The following CADM2 variants were observed in gnomAD, a reference collection of about 807,000 sequenced individuals.
CADM2 encodes cell adhesion molecule 2.
Under a neutral mutation model 49.8 loss-of-function variants are expected in CADM2, and 12 were observed. The observed-to-expected ratio is 0.24, with a 90% CI of 0.15 to 0.39. The LOEUF (loss-of-function observed/expected upper bound fraction) is 0.39. CADM2 is among the 10% of genes least tolerant of loss of function. The pLI is 1.00. For missense variants in CADM2, 378 were observed against 492.3 expected (o/e 0.77, Z 2.20); for synonymous variants, 214 against 175.4 (o/e 1.22, Z -1.74).
At chr3:85,682,514 C>T (rs1253666370) in intron 1 of CADM2, among the ~76,000 whole-genome samples, 1 of 151,964 alleles carries the variant, frequency 6.6e-6, no homozygotes, top group African/African-American at 2.4e-5. Context: ...TTCAGTGGTA[C>T]GTGAAGGTGT....
intron 1 of CADM2, among the ~76,000 whole-genome samples, chr3:85,183,173 G>T (rs1194943623): frequency 1.3e-5 from 2 of 152,058 alleles, no homozygotes; most frequent in African/African-American, 4.8e-5. Context: ...TAGGATTAAG[G>T]CATTAGAGGC....
chr3:85,290,148 A>G lies in CADM2; in HGVS notation c.61+330480A>G, dbSNP rs566404034. Reference sequence around the variant, plus strand: ...ACTTGGGAAGCGCAAGGGGTCAGGGAGTTCCCTTTCCGAGTCAAAGAAAGG... The same window carrying G: ...ACTTGGGAAGCGCAAGGGGTCAGGGGGTTCCCTTTCCGAGTCAAAGAAAGG... On this transcript the variant is annotated intron_variant, in intron 1 of 9. Coordinates refer to ENST00000383699, the MANE Select transcript of CADM2 (RefSeq NM_001167675.2). Among the ~76,000 whole-genome samples the G allele has an allele frequency of 1.8e-3, 272 of 152,314 alleles. 1 individual carries two copies. Among genetic ancestry groups the G allele is most frequent in the African/African-American group, 6.3e-3 (263 of 41,578 alleles).
chr3:85,413,968 G>T (rs2035796422), intron 1 of CADM2, among the ~76,000 whole-genome samples: 1 of 152,034 alleles, frequency 6.6e-6, no homozygotes, highest in Non-Finnish European at 1.5e-5. Flanking sequence ...GGGTTCAAGC[G>T]ATTCTTCTTC....
At chr3:85,754,318 G>A (rs2069000961) in intron 2 of CADM2, among the ~76,000 whole-genome samples, 1 of 152,106 alleles carries the variant, frequency 6.6e-6, no homozygotes, top group Non-Finnish European at 1.5e-5. Context: ...CTTTTAGACA[G>A]TGAAACAACC....
intron 2 of CADM2, among the ~76,000 whole-genome samples, chr3:85,770,515 C>T (rs999703281): frequency 6.6e-6 from 1 of 152,166 alleles, no homozygotes; most frequent in East Asian, 1.9e-4. Flanking sequence ...TAAAGTGTCT[C>T]ACTACGTTGC....
chr3:85,732,764 T>C (rs576652805), intron 2 of CADM2, among the ~76,000 whole-genome samples: 54 of 152,272 alleles, frequency 3.5e-4, no homozygotes, highest in Non-Finnish European at 6.9e-4. Context: ...TAGGTACCAT[T>C]TTATCGTCAT....
At chr3:85,040,850 G>T in intron 1 of CADM2, among the ~76,000 whole-genome samples, 1 of 152,090 alleles carries the variant, frequency 6.6e-6, no homozygotes, top group East Asian at 1.9e-4. Context: ...CTATGTCAAG[G>T]TGGTCTTTAT....
intron 1 of CADM2, among the ~76,000 whole-genome samples, chr3:85,160,692 C>T (rs2040295810): frequency 6.6e-6 from 1 of 152,044 alleles, no homozygotes; most frequent in Non-Finnish European, 1.5e-5. Context: ...TTGTTATTTT[C>T]TTTAAGCTTG....
intron 1 of CADM2, among the ~76,000 whole-genome samples, chr3:85,257,571 C>T (rs757500851): frequency 3.3e-5 from 5 of 152,042 alleles, no homozygotes; most frequent in Non-Finnish European, 7.4e-5. Flanking sequence ...GTATTATTTT[C>T]AGTATCTAAA....
At chr3:85,116,308 G>A (rs920116466) in intron 1 of CADM2, among the ~76,000 whole-genome samples, 2 of 152,122 alleles carry the variant, frequency 1.3e-5, no homozygotes, top group South Asian at 2.1e-4. Flanking sequence ...CCTGGGCAAC[G>A]AAGTGATCTC....
At chr3:85,673,778 A>G (rs770571047) in intron 1 of CADM2, among the ~76,000 whole-genome samples, 1 of 152,154 alleles carries the variant, frequency 6.6e-6, no homozygotes, top group East Asian at 1.9e-4. Context: ...TTACTTTAGC[A>G]TATGATGTGG....
At chr3:85,963,644 G>GA (rs991231212) in intron 8 of CADM2, among the ~76,000 whole-genome samples, 18 of 151,964 alleles carry the variant, frequency 1.2e-4, no homozygotes, top group South Asian at 8.3e-4. Flanking sequence ...AGAAGTGACA[G>GA]AAAAAATAAT....
intron 1 of CADM2, among the ~76,000 whole-genome samples, chr3:85,010,840 T>A (rs1055324713): frequency 7.1e-6 from 1 of 140,246 alleles, no homozygotes; most frequent in Non-Finnish European, 1.5e-5. Context: ...CCCAAATCAC[T>A]CTGTTTATGT....
At chr3:85,064,795 G>T (rs182097857) in intron 1 of CADM2, among the ~76,000 whole-genome samples, 1 of 152,172 alleles carries the variant, frequency 6.6e-6, no homozygotes, top group Admixed American at 6.6e-5. Context: ...AATAATAGAT[G>T]ATGATTGCTT....
At chr3:85,971,204 G>A (rs1449342308) in intron 8 of CADM2, among the ~76,000 whole-genome samples, 1 of 151,542 alleles carries the variant, frequency 6.6e-6, no homozygotes, top group African/African-American at 2.4e-5. Context: ...TTTTGAATCT[G>A]AACCAACGCC....
chr3:85,686,034 G>C (rs895574321), intron 1 of CADM2, among the ~76,000 whole-genome samples: 2 of 152,158 alleles, frequency 1.3e-5, no homozygotes, highest in African/African-American at 4.8e-5. Context: ...ATTTGTTTCT[G>C]TTTAGAGGCA....
At chr3:85,868,431 G>GAGC (rs2075800242) in intron 3 of CADM2, among the ~76,000 whole-genome samples, 1 of 152,146 alleles carries the variant, frequency 6.6e-6, no homozygotes, top group South Asian at 2.1e-4. Context: ...AGAATGATGA[G>GAGC]AGCACATCAA....
intron 1 of CADM2, among the ~76,000 whole-genome samples, chr3:85,627,605 C>T (rs899746680): frequency 2.6e-5 from 4 of 151,824 alleles, no homozygotes; most frequent in South Asian, 2.1e-4. Context: ...TATGAGAACC[C>T]GGGGTGCTCA....
intron 3 of CADM2, among the ~76,000 whole-genome samples, chr3:85,814,409 G>A (rs999663001): frequency 6.6e-6 from 1 of 151,908 alleles, no homozygotes; most frequent in Non-Finnish European, 1.5e-5. Context: ...ATGCCCACAA[G>A]AGAAAGCAGG....
Sources: allele counts gnomAD v4.1 joint callset (sites outside exome capture counted in the v4.1 genomes callset), GRCh38; gene constraint gnomAD v4.1.1; transcripts MANE v1.5; gene names NCBI Gene and HGNC (gene_info 2026-07-23, HGNC 2026-07-21).